MAML1: variants seen among roughly 807,000 people sequenced by gnomAD.
MAML1 encodes the protein mastermind like transcriptional coactivator 1, also known as mastermind-like protein 1.
In MAML1, 14 loss-of-function variants were observed where a neutral mutation model predicts 77.1. The observed-to-expected ratio is 0.18, with a 90% CI of 0.12 to 0.28. The LOEUF (loss-of-function observed/expected upper bound fraction) is 0.28. Ranked by LOEUF, MAML1 falls within the 10% of genes least tolerant of loss-of-function variation. The probability of loss-of-function intolerance (pLI) is 1.00; values close to 1 mark genes in which losing one functional copy is unlikely to be tolerated. For synonymous variants in MAML1, 516 were observed against 551.9 expected (o/e 0.93, Z 0.91); for missense variants, 1,217 against 1,327.8 (o/e 0.92, Z 1.30).
At chr5:179,733,560 T>A in intron 1 of MAML1, 133 bp downstream of exon 1, 1 of 729,446 alleles carries the variant, frequency 1.4e-6, no homozygotes, top group Non-Finnish European at 1.7e-6. Flanking sequence ...GGAGAGAGGG[T>A]AACATGGCAG....
At chr5:179,761,019 G>A (rs376355280) in intron 1 of MAML1, among the ~76,000 whole-genome samples, 36 of 152,038 alleles carry the variant, frequency 2.4e-4, no homozygotes, top group African/African-American at 7.7e-4. Context: ...GCATGAACCC[G>A]GGAGGTGGAG....
rs781065993 is a variant in MAML1 at position 179,774,134 on chromosome 5, C to A, written c.2308C>A (p.Pro770Thr). 2 of 1,613,524 alleles carry A rather than the reference C, an allele frequency of 1.2e-6. No individual in the cohort carries two copies. Among genetic ancestry groups the A allele is most frequent in the Admixed American group, 1.7e-5 (1 of 60,022 alleles). ...ASGITQIVAQ[P>T]PPQATNGHAH... is the part of the protein sequence containing the mutation. ...TGGCATAACCCAGATAGTTGCCCAG[C>A]CCCCGCCACAGGCCACCAATGGACA... Residue 770 changes from proline (P) to threonine (T), a missense_variant, in exon 5 of 5, where the codon CCC becomes ACC. By Grantham distance (38) the Pro-to-Thr change is conservative. Coordinates refer to ENST00000292599, the MANE Select transcript of MAML1 (RefSeq NM_014757.5).
chr5:179,764,017 C>G (rs777030852), intron 1 of MAML1, among the ~76,000 whole-genome samples: 7 of 152,108 alleles, frequency 4.6e-5, no homozygotes, highest in Non-Finnish European at 8.8e-5. Flanking sequence ...GAGTTGAGTC[C>G]TGACTGCAGC....
At chr5:179,767,309 A>G (rs1779839898) in intron 2 of MAML1, among the ~76,000 whole-genome samples, 1 of 152,196 alleles carries the variant, frequency 6.6e-6, no homozygotes, top group Non-Finnish European at 1.5e-5. Context: ...ATAAGCCTGC[A>G]GTGAACGTGA....
At chr5:179,773,178 C>T (rs999117791) in intron 4 of MAML1, among the ~76,000 whole-genome samples, 6 of 152,186 alleles carry the variant, frequency 3.9e-5, no homozygotes, top group Non-Finnish European at 7.3e-5. Flanking sequence ...CCACCGCGCC[C>T]GGCCACAACC....
chr5:179,772,050 C>G (rs1756005110), intron 4 of MAML1, among the ~76,000 whole-genome samples: 1 of 152,198 alleles, frequency 6.6e-6, no homozygotes, highest in African/African-American at 2.4e-5. Flanking sequence ...TCAGACCCAT[C>G]TGACATTTTG....
intron 1 of MAML1, among the ~76,000 whole-genome samples, chr5:179,744,421 C>CAG (rs1192432704): frequency 6.6e-6 from 1 of 152,056 alleles, no homozygotes; most frequent in African/African-American, 2.4e-5. Context: ...CTCCTGACCT[C>CAG]ATGATCCACC....
At chr5:179,743,924 T>C (rs559730236) in intron 1 of MAML1, among the ~76,000 whole-genome samples, 1 of 152,312 alleles carries the variant, frequency 6.6e-6, no homozygotes, top group Admixed American at 6.5e-5. Context: ...ATTATAAATA[T>C]TATCATTTAA....
At chr5:179,734,633 C>T (rs1240688480) in intron 1 of MAML1, among the ~76,000 whole-genome samples, 5 of 152,138 alleles carry the variant, frequency 3.3e-5, no homozygotes, top group African/African-American at 9.7e-5. Flanking sequence ...GGCTTATTAT[C>T]GCCCCGTGTT....
At chr5:179,773,121 G>C (rs1313221512) in intron 4 of MAML1, among the ~76,000 whole-genome samples, 1 of 152,212 alleles carries the variant, frequency 6.6e-6, no homozygotes, top group Non-Finnish European at 1.5e-5. Flanking sequence ...CTGACCTCGT[G>C]ATTCGCCCGC....
intron 1 of MAML1, among the ~76,000 whole-genome samples, chr5:179,759,474 G>T (rs1189954230): frequency 6.6e-6 from 1 of 152,196 alleles, no homozygotes; most frequent in East Asian, 1.9e-4. Flanking sequence ...GCAAGCACAT[G>T]ACTTAAGTCA....
At position 179,765,952 on chromosome 5, in the gene MAML1, T is replaced by C. The variant is rs1581943860; in HGVS notation, c.942T>C (p.Ser314=). 1 of 1,614,092 alleles carries C rather than the reference T, an allele frequency of 6.2e-7. No individual in the cohort carries two copies. The highest frequency in any genetic ancestry group is 1.3e-5 in the African/African-American group (1 of 75,030). The change falls in exon 2 of 5, where the codon TCT becomes TCC. Residue 314 remains serine (S), a synonymous_variant. Transcript: ENST00000292599. ...CCTTTGAGCAAGAACAGTTAGGCTC[T>C]CCACAAGTGAGGGCCGGGTCTGCAG... ...PAAFEQEQLG[S]PQVRAGSAGQ...
chr5:179,759,169 G>T (rs892016875), intron 1 of MAML1, among the ~76,000 whole-genome samples: 5 of 152,164 alleles, frequency 3.3e-5, no homozygotes, highest in African/African-American at 1.2e-4. Flanking sequence ...TGTTTGACAT[G>T]CAAGCTTCTC....
intron 1 of MAML1, among the ~76,000 whole-genome samples, chr5:179,735,845 G>A (rs905673843): frequency 2.0e-5 from 3 of 151,778 alleles, no homozygotes; most frequent in African/African-American, 4.8e-5. Context: ...ACACTACCAC[G>A]CTTGGCTTAT....
At chr5:179,752,905 C>G (rs993742102) in intron 1 of MAML1, among the ~76,000 whole-genome samples, 105 of 152,166 alleles carry the variant, frequency 6.9e-4, no homozygotes, top group Non-Finnish European at 2.1e-4. Context: ...TCCTGAGTAG[C>G]TGGGATTACA....
At chr5:179,764,443 C>G (rs905013322) in intron 1 of MAML1, among the ~76,000 whole-genome samples, 15 of 151,528 alleles carry the variant, frequency 9.9e-5, no homozygotes, top group African/African-American at 3.6e-4. Context: ...GGCAAATCAC[C>G]TGAGGTCTGG....
At chr5:179,753,218 TGTGTGCGCGCGCGCGC>T (rs1162388612) in intron 1 of MAML1, among the ~76,000 whole-genome samples, 5 of 64,036 alleles carry the variant, frequency 7.8e-5, no homozygotes, top group African/African-American at 2.4e-4. Flanking sequence ...TGTGTGTGTG[TGTGTGCGCGCGCGCGC>T]GCGCGTGCTG....
chr5:179,753,654 ATTTTTTTTTTT>A (rs1209995171), intron 1 of MAML1, among the ~76,000 whole-genome samples: 1 of 88,850 alleles, frequency 1.1e-5, no homozygotes, highest in African/African-American at 3.6e-5. Flanking sequence ...TATTATTATT[ATTTTTTTTTTT>A]TTTTTTTTTT....
chr5:179,768,181 G>C (rs1779857224), intron 2 of MAML1, among the ~76,000 whole-genome samples: 1 of 152,242 alleles, frequency 6.6e-6, no homozygotes. Flanking sequence ...CCTAGGCCGG[G>C]TGCAGTGGCT....
Sources: allele counts gnomAD v4.1 joint callset (sites outside exome capture counted in the v4.1 genomes callset), GRCh38; gene constraint gnomAD v4.1.1; transcripts MANE v1.5; gene names NCBI Gene and HGNC (gene_info 2026-07-23, HGNC 2026-07-21).